The following CFAP46 variants were observed in gnomAD, a reference collection of about 807,000 sequenced individuals.
The protein encoded by CFAP46 is cilia- and flagella-associated protein 46.
A neutral mutation model predicts 325.7 loss-of-function variants in CFAP46; 245 were observed. The observed-to-expected ratio is 0.75, with a 90% CI of 0.68 to 0.84. The LOEUF is 0.84. Among genes scored for constraint, CFAP46 ranks in the 40% least tolerant of loss-of-function variants. The pLI, the probability that CFAP46 is intolerant of heterozygous loss-of-function variation, is 0.00. For synonymous variants in CFAP46, 1,523 were observed against 1,495.9 expected, an observed-to-expected ratio of 1.02 and a Z score of -0.42; for missense variants, 3,346 against 3,543.0, an observed-to-expected ratio of 0.94 and a Z score of 1.41.
At chr10:132,941,759 G>A (rs774695442) in intron 2 of CFAP46, 37 bp from the exon 3 acceptor site, 4 of 1,611,720 alleles carry the variant, frequency 2.5e-6, no homozygotes, top group East Asian at 2.2e-5. Context: ...TCACAGACCC[G>A]GAGGGGTGGC....
chr10:132,937,588 G>T lies in CFAP46; in HGVS notation c.624C>A (p.His208Gln). The change falls in exon 6 of 58, where the codon CAC becomes CAA. Residue 208 changes from histidine (H) to glutamine (Q), a missense_variant. Physicochemically the swap from His to Gln is conservative, Grantham distance 24. Transcript: ENST00000368586. ...CSTAAPFIKSHVPQKYRQIFS... is the reference protein window; with the variant it reads ...CSTAAPFIKSQVPQKYRQIFS... ...ATATCTGCCGGTATTTCTGTGGCACGTGAGACTTAATGAACGGAGCTGCCG... is the reference window on the plus strand; with the variant it reads ...ATATCTGCCGGTATTTCTGTGGCACTTGAGACTTAATGAACGGAGCTGCCG... 1.2e-6 allele frequency: 2 copies of T among 1,613,624 alleles called. No homozygotes were observed.
At position 132,886,754 on chromosome 10, in the gene CFAP46, A is replaced by C. The variant is rs1348594755; in HGVS notation, c.3305-795T>G. On this transcript the variant is annotated intron_variant, in intron 25 of 57. Transcript: ENST00000368586. This position sits in a 1 kb window ranked among gnomAD's most constrained non-coding sequence, Gnocchi z 5.8. ...CCTCAAGGATTCCAAGAGCCCCGGG[A>C]GATCCAAAACATCAAACCAAGGCCA... is the stretch of plus-strand genomic sequence containing the variant. Among the ~76,000 whole-genome samples, 2 of 152,122 alleles carry C rather than the reference A, an allele frequency of 1.3e-5. No homozygotes were observed. The highest frequency in any genetic ancestry group is 1.3e-4 in the Admixed American group (2 of 15,274).
chr10:132,868,621 A>G (rs911965335), intron 33 of CFAP46, among the ~76,000 whole-genome samples: 2 of 152,254 alleles, frequency 1.3e-5, no homozygotes, highest in Non-Finnish European at 2.9e-5. Flanking sequence ...TGGCCGGAAG[A>G]GCATGAGTGA....
In CFAP46 at chr10:132,937,009, T is replaced by C. The variant is rs1211556465; in HGVS notation, c.707A>G (p.Lys236Arg). 6.5e-7 allele frequency: 1 copy of C among 1,540,262 alleles called. No individual in the cohort carries two copies. Residue 236 changes from lysine (K) to arginine (R), a missense_variant, in exon 7 of 58, where the codon AAA becomes AGA. Lys to Arg is a conservative substitution (Grantham distance 26). Transcript: ENST00000368586. ...MDELQLKEEK[K>R]NSISLSVTFY... is the part of the protein sequence containing the mutation. ...AGTGACTGACAGGCTAATGGAATTT[T>C]TCTTTTCTTCCTTTAACTGAAGTTC...
chr10:132,839,297 G>C (rs1848314484), intron 44 of CFAP46, among the ~76,000 whole-genome samples: 1 of 152,182 alleles, frequency 6.6e-6, no homozygotes, highest in Admixed American at 6.5e-5. Flanking sequence ...TCCCCACAAG[G>C]GACACAGCCC....
intron 50 of CFAP46, among the ~76,000 whole-genome samples, chr10:132,824,188 G>C (rs1272499342): frequency 7.1e-6 from 1 of 141,202 alleles, no homozygotes; most frequent in African/African-American, 2.7e-5. Flanking sequence ...GCTGATGTGT[G>C]CTGTGTGAGT....
Position 132,922,556 on chromosome 10 carries a change from G to T in CFAP46, c.1409C>A (p.Thr470Asn), listed in dbSNP as rs41301115. 15,829 of 1,548,182 alleles carry T rather than the reference G, an allele frequency of 0.01. 127 individuals carry two copies. The highest frequency in any genetic ancestry group is 0.028 in the South Asian group (2,354 of 84,032). ...TAGCGTGGTGCACAGACGCAGCCGG[G>T]TGGAGGCCATCTGGATCCTGTCCCG... ...LYRDRIQMAS[T>N]RLRLCTTLYQ... Residue 470 changes from threonine to asparagine, a missense_variant, in exon 12 of 58, where the codon ACC (threonine) becomes AAC (asparagine). Thr to Asn is a moderately conservative substitution (Grantham distance 65). Coordinates refer to ENST00000368586, the MANE Select transcript of CFAP46 (RefSeq NM_001200049.3).
At chr10:132,836,668 G>T in intron 45 of CFAP46, 149 bp downstream of exon 45, 1 of 703,694 alleles carries the variant, frequency 1.4e-6, no homozygotes, top group Non-Finnish European at 2.5e-6. Context: ...GTGTCTGTCC[G>T]GCACCTTCTT....
At chr10:132,821,622 CTG>C (rs201966459) in intron 50 of CFAP46, among the ~76,000 whole-genome samples, 9 of 108,894 alleles carry the variant, frequency 8.3e-5, no homozygotes, top group South Asian at 6.0e-4. Context: ...CTGATGTGTG[CTG>C]TGTGTGTGCT....
intron 50 of CFAP46, among the ~76,000 whole-genome samples, chr10:132,826,462 C>T (rs1459310651): frequency 1.3e-4 from 18 of 135,428 alleles, no homozygotes; most frequent in African/African-American, 4.1e-4. Context: ...GAGCCGGAGC[C>T]ACAGAGACCT....
intron 45 of CFAP46, 21 bp from the exon 46 acceptor site, chr10:132,836,239 A>G (rs1358747770): frequency 6.2e-7 from 1 of 1,608,918 alleles, no homozygotes; most frequent in South Asian, 1.1e-5. Context: ...GACGTGGGCC[A>G]GGGTCGCAGG....
chr10:132,876,480 C>T lies in CFAP46; in HGVS notation c.4362+332G>A, dbSNP rs1248900843. Reference sequence around the variant, plus strand: ...ACACCTGGATTTGAGCCCAGGGACACTGATTTTCGGCTTCCGGCCTCCAGA... The same window carrying T: ...ACACCTGGATTTGAGCCCAGGGACATTGATTTTCGGCTTCCGGCCTCCAGA... On this transcript the variant is annotated intron_variant, in intron 31 of 57. Coordinates refer to ENST00000368586, the MANE Select transcript of CFAP46 (RefSeq NM_001200049.3). The surrounding 1 kb of genome is among the most constrained non-coding windows in gnomAD (Gnocchi z 4.1). 6.6e-6 allele frequency among the ~76,000 whole-genome samples: 1 copy of T among 152,228 alleles called. No individual in the cohort carries two copies. The highest frequency in any genetic ancestry group is 1.9e-4 in the East Asian group (1 of 5,196).
chr10:132,879,447 G>T lies in CFAP46; in HGVS notation c.3984C>A (p.Ala1328=). Residue 1328 remains alanine (A), a synonymous_variant, in exon 29 of 58, where the codon GCC becomes GCA. Transcript: ENST00000368586. ...GYEDCCLAAY[A]FFRHIWQVSL... ...TCACCTGCCAGATGTGCCTGAAGAA[G>T]GCGTAGGCTGCAAGGCAGCAGTCCT... 1 of 1,534,248 alleles carries T rather than the reference G, an allele frequency of 6.5e-7. No homozygotes were observed. The highest frequency in any genetic ancestry group is 1.2e-5 in the South Asian group (1 of 82,330).
intron 22 of CFAP46, among the ~76,000 whole-genome samples, chr10:132,907,600 T>C (rs1038861700): frequency 2.0e-5 from 3 of 152,230 alleles, no homozygotes; most frequent in Admixed American, 6.5e-5. Flanking sequence ...TGTATGTCGT[T>C]AGAAATGGCA....
intron 1 of CFAP46, 116 bp from the exon 2 acceptor site, chr10:132,942,220 G>C: frequency 1.5e-6 from 2 of 1,364,884 alleles, no homozygotes; most frequent in Non-Finnish European, 2.0e-6. Context: ...CACAGCCACC[G>C]TCAGAACCTG....
In CFAP46 at chr10:132,884,016, T is replaced by C. The variant is rs1445906690; in HGVS notation, c.3627+1087A>G. ...ATGTTGTACCTCTAACAAAGACAACTGAAGGAAGGACTCGGGTAAGTGAAG... is the reference window on the plus strand; with the variant it reads ...ATGTTGTACCTCTAACAAAGACAACCGAAGGAAGGACTCGGGTAAGTGAAG... On this transcript the variant is annotated intron_variant, in intron 27 of 57. Coordinates refer to ENST00000368586, the MANE Select transcript of CFAP46 (RefSeq NM_001200049.3). This position sits in a 1 kb window ranked among gnomAD's most constrained non-coding sequence, Gnocchi z 5.4. 6.6e-6 allele frequency among the ~76,000 whole-genome samples: 1 copy of C among 152,182 alleles called. No homozygotes were observed.
chr10:132,898,465 A>T (rs1290946713), intron 24 of CFAP46: 2 of 279,236 alleles, frequency 7.2e-6, no homozygotes, highest in Non-Finnish European at 1.4e-5. Context: ...CCTCTCCTTC[A>T]ACCGTCCTCC....
chr10:132,916,594 T>C lies in CFAP46; in HGVS notation c.2075A>G (p.Tyr692Cys). The stretch of plus-strand genomic sequence containing the variant: ...ATTCACCTCCGGGGGCTCAGGCACG[T>C]AGCCAGCTGGGTGCTGGCTCAGGTC... ...PEDLSQHPAG[Y>C]VPEPPEVNAE... The change falls in exon 17 of 58, where the codon TAC becomes TGC. Residue 692 changes from tyrosine to cysteine, a missense_variant. By Grantham distance (194) the Tyr-to-Cys change is radical. Coordinates refer to ENST00000368586, the MANE Select transcript of CFAP46 (RefSeq NM_001200049.3). 6.5e-7 allele frequency: 1 copy of C among 1,547,422 alleles called. No individual in the cohort carries two copies. Among genetic ancestry groups the C allele is most frequent in the South Asian group, 1.2e-5 (1 of 83,846 alleles).
chr10:132,823,306 T>C (rs1191616730), intron 50 of CFAP46, among the ~76,000 whole-genome samples: 3 of 112,252 alleles, frequency 2.7e-5, no homozygotes, highest in Non-Finnish European at 1.8e-5. Flanking sequence ...TTGTGTGTGC[T>C]GTGTGAGTGC....
Sources: gnomAD v4.1 joint callset for allele counts (sites outside exome capture counted in the v4.1 genomes callset) on GRCh38, gnomAD v4.1.1 for gene constraint, Gnocchi (gnomAD v3.1) non-coding constraint, MANE v1.5 for transcripts, NCBI Gene and HGNC (gene_info 2026-07-23, HGNC 2026-07-21) for gene names.